The following MEIG1 variants were observed in gnomAD, a reference collection of about 807,000 sequenced individuals.
MEIG1 encodes the protein meiosis expressed gene 1 protein homolog.
In MEIG1, 12 loss-of-function variants were observed where a neutral mutation model predicts 11.3. The observed-to-expected ratio is 1.07, with a 90% CI of 0.68 to 1.73. The LOEUF is 1.73. MEIG1 is among the 40% of genes most tolerant of loss of function. The pLI is 0.00. For missense variants in MEIG1, 119 were observed against 104.9 expected (o/e 1.13, Z -0.59); for synonymous variants, 41 against 33.2 (o/e 1.24, Z -0.81).
chr10:14,975,908 G>C (rs143440875), downstream of MEIG1, among the ~76,000 whole-genome samples: 35 of 152,272 alleles, frequency 2.3e-4, no homozygotes, highest in East Asian at 3.7e-3. Context: ...TATCCAGGGG[G>C]AAGAGGATGC....
chr10:14,975,070 A>G (rs999341289), downstream of MEIG1, among the ~76,000 whole-genome samples: 13 of 152,000 alleles, frequency 8.6e-5, no homozygotes, highest in African/African-American at 3.1e-4. Flanking sequence ...TCTCATCTCC[A>G]GGGGATGGCG....
chr10:14,980,354 G>C (rs1457168474), intron 1 of MEIG1, among the ~76,000 whole-genome samples: 1 of 152,048 alleles, frequency 6.6e-6, no homozygotes, highest in Non-Finnish European at 1.5e-5. Flanking sequence ...ATATCACAGA[G>C]AGTGTACAAT....
intron 1 of MEIG1, among the ~76,000 whole-genome samples, chr10:14,966,166 C>T (rs1052865025): frequency 6.9e-6 from 1 of 145,800 alleles, no homozygotes. Flanking sequence ...TGGGTTCAAG[C>T]CATTCTCCTG....
chr10:14,966,637 C>T (rs983721421), intron 2 of MEIG1, 31 bp downstream of exon 2: 23 of 1,585,422 alleles, frequency 1.5e-5, no homozygotes, highest in Non-Finnish European at 1.8e-5. Flanking sequence ...AACCTCAACT[C>T]GAAATGTATT....
chr10:14,968,821 G>A (rs1423303768), intron 2 of MEIG1, among the ~76,000 whole-genome samples: 1 of 152,190 alleles, frequency 6.6e-6, no homozygotes, highest in Admixed American at 6.5e-5. Context: ...GCTCACACCT[G>A]TAATCCCAGC....
intron 1 of MEIG1, among the ~76,000 whole-genome samples, chr10:14,978,170 G>T (rs1445086238): frequency 1.3e-5 from 2 of 151,536 alleles, no homozygotes; most frequent in African/African-American, 2.4e-5. Context: ...GATACCACTC[G>T]CAATATCCAC....
chr10:14,958,257 G>C (rs1842971550), upstream of MEIG1, among the ~76,000 whole-genome samples: 1 of 149,006 alleles, frequency 6.7e-6, no homozygotes, highest in South Asian at 2.1e-4. Context: ...CTAAAGTTCA[G>C]AGAAAGACCG....
intron 1 of MEIG1, among the ~76,000 whole-genome samples, 174 bp from the exon 2 acceptor site, chr10:14,966,266 G>A (rs1235646794): frequency 6.6e-6 from 1 of 151,822 alleles, no homozygotes; most frequent in Non-Finnish European, 1.5e-5. Context: ...GTTTCACCAT[G>A]TTGGCCAGGC....
upstream of MEIG1, among the ~76,000 whole-genome samples, chr10:14,958,890 C>G (rs967948836): frequency 2.6e-5 from 4 of 151,182 alleles, no homozygotes; most frequent in Non-Finnish European, 4.4e-5. Context: ...AGCGAGACTC[C>G]GTCTAAAAAA....
upstream of MEIG1, among the ~76,000 whole-genome samples, chr10:14,958,236 G>A (rs753895719): frequency 6.6e-6 from 1 of 151,990 alleles, no homozygotes; most frequent in Non-Finnish European, 1.5e-5. Context: ...AATATACATT[G>A]ATATACAAAT....
At position 14,966,591 on chromosome 10, in the gene MEIG1, G is replaced by A. The variant is rs761421247; in HGVS notation, c.123G>A (p.Val41=). ...GGGATGAAACCGAATATAGACAAGT[G>A]AAACAAGTTTCTATGGTAAGATTTC... ...GYRDETEYRQ[V]KQVSMVDRWP... is the part of the protein sequence containing the mutation. Residue 41 remains valine (V), a synonymous_variant, in exon 2 of 3, where the codon GTG becomes GTA. Transcript: ENST00000407572. 6.2e-7 allele frequency: 1 copy of A among 1,609,006 alleles called. No homozygotes were observed. The highest frequency in any genetic ancestry group is 8.5e-7 in the Non-Finnish European group (1 of 1,178,482).
chr10:14,958,163 T>G (rs2131254993), upstream of MEIG1, among the ~76,000 whole-genome samples: 1 of 152,282 alleles, frequency 6.6e-6, no homozygotes, highest in African/African-American at 2.4e-5. Flanking sequence ...GAGCAGGGTT[T>G]TTGTTTTTGT....
intron 1 of MEIG1, among the ~76,000 whole-genome samples, chr10:14,982,460 G>C (rs551059272): frequency 6.6e-6 from 1 of 152,282 alleles, no homozygotes; most frequent in African/African-American, 2.4e-5. Flanking sequence ...GTGGCAATCA[G>C]CCCAGGTGTG....
At chr10:14,960,707 C>T (rs1215013653) in intron 1 of MEIG1, among the ~76,000 whole-genome samples, 1 of 151,806 alleles carries the variant, frequency 6.6e-6, no homozygotes, top group Admixed American at 6.6e-5. Flanking sequence ...AGTGAGCCAC[C>T]GCGCCGAGAT....
chr10:14,978,042 T>C (rs1482674233), intron 1 of MEIG1, among the ~76,000 whole-genome samples: 2 of 151,808 alleles, frequency 1.3e-5, no homozygotes, highest in African/African-American at 4.8e-5. Context: ...GGGGTGTTCC[T>C]TTTAAAGTCA....
intron 1 of MEIG1, 65 bp from the exon 2 acceptor site, chr10:14,966,375 C>G (rs1042823113): frequency 8.9e-6 from 11 of 1,241,130 alleles, no homozygotes; most frequent in Non-Finnish European, 1.2e-5. Flanking sequence ...TTTGTTTATT[C>G]TTAAAGGGAA....
chr10:14,975,541 A>G (rs2131277846), downstream of MEIG1, among the ~76,000 whole-genome samples: 1 of 152,200 alleles, frequency 6.6e-6, no homozygotes, highest in Admixed American at 6.5e-5. Flanking sequence ...GGAGAAGATG[A>G]TAATACCCCC....
intron 1 of MEIG1, among the ~76,000 whole-genome samples, chr10:14,960,620 T>G (rs1194343924): frequency 6.6e-6 from 1 of 151,824 alleles, no homozygotes; most frequent in East Asian, 2.0e-4. Flanking sequence ...GGGTTTCACT[T>G]TGTTGGCCAG....
At chr10:14,986,475 T>C (rs571981128) in intron 1 of MEIG1, among the ~76,000 whole-genome samples, 1 of 152,342 alleles carries the variant, frequency 6.6e-6, no homozygotes, top group East Asian at 1.9e-4. Context: ...TACTGTACTA[T>C]CAAACACTAG....
Sources: gnomAD v4.1 joint callset for allele counts (sites outside exome capture counted in the v4.1 genomes callset) on GRCh38, gnomAD v4.1.1 for gene constraint, MANE v1.5 for transcripts, NCBI Gene and HGNC (gene_info 2026-07-23, HGNC 2026-07-21) for gene names.